Variants in PCGF5 observed in about 807,000 individuals in gnomAD.
PCGF5 encodes polycomb group ring finger 5.
In PCGF5, 9 loss-of-function variants were observed where a neutral mutation model predicts 44.3. That is an observed-to-expected ratio of 0.20 (90% CI 0.12 to 0.35). The LOEUF is 0.35. PCGF5 is among the 10% of genes least tolerant of loss of function. The probability of loss-of-function intolerance (pLI) is 1.00; values close to 1 mark genes in which losing one functional copy is unlikely to be tolerated. For missense variants in PCGF5, 146 were observed against 305.3 expected, an observed-to-expected ratio of 0.48 and a Z score of 3.89; for synonymous variants, 95 against 102.5, an observed-to-expected ratio of 0.93 and a Z score of 0.44.
At chr10:91,194,035 A>G (rs949127318) in intron 1 of PCGF5, among the ~76,000 whole-genome samples, 2 of 152,162 alleles carry the variant, frequency 1.3e-5, no homozygotes, top group African/African-American at 4.8e-5. Context: ...AGATGCAGAA[A>G]ACTTTGGGTG....
At chr10:91,204,593 A>T (rs1232604076) in intron 1 of PCGF5, among the ~76,000 whole-genome samples, 2 of 152,218 alleles carry the variant, frequency 1.3e-5, no homozygotes, top group Non-Finnish European at 2.9e-5. Context: ...TTTCCAGACA[A>T]ATGTTTGGTT....
At chr10:91,245,938 T>C (rs1290249772) in intron 3 of PCGF5, among the ~76,000 whole-genome samples, 2 of 152,090 alleles carry the variant, frequency 1.3e-5, no homozygotes, top group African/African-American at 2.4e-5. Context: ...ATGTTTGTGT[T>C]GTAGTTAGGA....
chr10:91,226,318 T>C (rs1222690834), intron 2 of PCGF5, among the ~76,000 whole-genome samples: 1 of 128,242 alleles, frequency 7.8e-6, no homozygotes, highest in Non-Finnish European at 1.7e-5. Flanking sequence ...AAAAAAATGC[T>C]GTTAAGTGCA....
At chr10:91,244,030 A>G (rs1057010890) in intron 3 of PCGF5, among the ~76,000 whole-genome samples, 12 of 152,236 alleles carry the variant, frequency 7.9e-5, no homozygotes, top group African/African-American at 2.9e-4. Context: ...ATTCGCAGAC[A>G]AAATAAAGAT....
At position 91,283,332 on chromosome 10, in the gene PCGF5, C is replaced by T. The variant is rs2133493792; in HGVS notation, c.*5016C>T. 6.6e-6 allele frequency: 1 copy of T among 152,168 alleles called. No individual in the cohort carries two copies. The highest frequency in any genetic ancestry group is 1.5e-5 in the Non-Finnish European group (1 of 68,006). 9.4% of individuals were successfully genotyped at this position (152,168 alleles called of 1,614,324 possible). On this transcript the variant is annotated 3_prime_UTR_variant, in exon 10 of 10. Transcript: ENST00000336126. ...AATGTGTCTGTATACTTGCTATGCCCCTTTTTCTATAATTCCAAACTGAGA... is the reference window on the plus strand; with the variant it reads ...AATGTGTCTGTATACTTGCTATGCCTCTTTTTCTATAATTCCAAACTGAGA...
In PCGF5 at chr10:91,220,844, C is replaced by T. The variant is rs1171246976; in HGVS notation, c.-184+8C>T. ...GGCGGTGGCGGCCGCTGGGTAGGTA[C>T]CGGGCGGGCTGGGGAGCTGCAGGGA... On this transcript the variant is annotated splice_region_variant and intron_variant, in intron 1 of 9. Transcript: ENST00000336126. 2 of 154,076 alleles carry T rather than the reference C, an allele frequency of 1.3e-5. No individual in the cohort carries two copies. The highest frequency in any genetic ancestry group is 2.9e-5 in the Non-Finnish European group (2 of 69,762). The allele number at this position is 154,076 out of a possible 1,614,324, so 9.5% of individuals were successfully genotyped here.
At chr10:91,248,644 A>G (rs1215347422) in intron 4 of PCGF5, 21 bp from the exon 5 acceptor site, 2 of 1,601,660 alleles carry the variant, frequency 1.2e-6, no homozygotes, top group Non-Finnish European at 1.7e-6. Context: ...TTTTACTTTT[A>G]TACTCTTTCT....
intron 2 of PCGF5, among the ~76,000 whole-genome samples, chr10:91,237,229 A>G (rs1206685409): frequency 6.6e-6 from 1 of 152,230 alleles, no homozygotes; most frequent in Non-Finnish European, 1.5e-5. Context: ...ACATGGACAT[A>G]GTATGTTGGA....
intron 7 of PCGF5, among the ~76,000 whole-genome samples, chr10:91,261,679 T>C (rs1273386172): frequency 6.6e-6 from 1 of 152,182 alleles, no homozygotes; most frequent in African/African-American, 2.4e-5. Flanking sequence ...TTAAAGAACT[T>C]AACATTAAGT....
chr10:91,160,385 G>C (rs987473834), upstream of PCGF5, among the ~76,000 whole-genome samples: 4 of 152,176 alleles, frequency 2.6e-5, no homozygotes, highest in Non-Finnish European at 4.4e-5. Flanking sequence ...TGTTGGTGAC[G>C]GGCACAAAGC....
upstream of PCGF5, among the ~76,000 whole-genome samples, chr10:91,162,238 C>G (rs1381326751): frequency 7.4e-6 from 1 of 136,022 alleles, no homozygotes; most frequent in Non-Finnish European, 1.5e-5. Context: ...CATTAAGGCT[C>G]GAGGCCATGG....
At chr10:91,224,632 A>G (rs1001871204) in intron 2 of PCGF5, among the ~76,000 whole-genome samples, 4 of 152,168 alleles carry the variant, frequency 2.6e-5, no homozygotes, top group East Asian at 3.8e-4. Context: ...GAAGGGACTG[A>G]AGGACTCTGT....
intron 1 of PCGF5, among the ~76,000 whole-genome samples, chr10:91,188,678 T>C (rs1311572386): frequency 6.6e-6 from 1 of 152,176 alleles, no homozygotes; most frequent in Admixed American, 6.5e-5. Flanking sequence ...TGACCCTCAC[T>C]ACCTCCCCTC....
intron 1 of PCGF5, among the ~76,000 whole-genome samples, chr10:91,163,658 A>C (rs1843437403): frequency 6.6e-6 from 1 of 151,774 alleles, no homozygotes; most frequent in African/African-American, 2.4e-5. Context: ...TTCCGTTTTG[A>C]TTAGCTCAGG....
At chr10:91,245,646 G>T (rs752809432) in intron 3 of PCGF5, among the ~76,000 whole-genome samples, 2 of 152,154 alleles carry the variant, frequency 1.3e-5, no homozygotes, top group Non-Finnish European at 2.9e-5. Context: ...AGGAGACACT[G>T]GTTTTCAGTG....
chr10:91,223,569 G>A (rs560621435), intron 2 of PCGF5, among the ~76,000 whole-genome samples: 1 of 152,296 alleles, frequency 6.6e-6, no homozygotes, highest in African/African-American at 2.4e-5. Flanking sequence ...GCTCCTAGCA[G>A]ATTTCATTCT....
intron 1 of PCGF5, among the ~76,000 whole-genome samples, chr10:91,184,937 G>A (rs970595796): frequency 5.5e-4 from 83 of 152,282 alleles, no homozygotes; most frequent in Non-Finnish European, 8.2e-4. Flanking sequence ...TGAATGCAGC[G>A]GTAGGAGGTA....
intron 1 of PCGF5, among the ~76,000 whole-genome samples, chr10:91,210,867 G>A (rs957092692): frequency 2.6e-5 from 4 of 152,208 alleles, no homozygotes; most frequent in African/African-American, 4.8e-5. Context: ...AGGAGAGCAA[G>A]TTTCACCTAT....
chr10:91,253,637 C>A (rs1845675421), intron 6 of PCGF5, among the ~76,000 whole-genome samples: 1 of 152,034 alleles, frequency 6.6e-6, no homozygotes, highest in Non-Finnish European at 1.5e-5. Context: ...TTTCTTTCAA[C>A]CAGTCACTAA....
Sources: allele counts gnomAD v4.1 joint callset (sites outside exome capture counted in the v4.1 genomes callset), GRCh38; gene constraint gnomAD v4.1.1; transcripts MANE v1.5; gene names NCBI Gene and HGNC (gene_info 2026-07-23, HGNC 2026-07-21).